NR5A1: variants seen among roughly 807,000 people sequenced by gnomAD.
The protein encoded by NR5A1 is steroidogenic factor 1.
Under a neutral mutation model 42.7 loss-of-function variants are expected in NR5A1, and 6 were observed. That is an observed-to-expected ratio of 0.14 (90% CI 0.08 to 0.28). The LOEUF is 0.28. Ranked by LOEUF, NR5A1 falls within the 10% of genes least tolerant of loss-of-function variation. The pLI, the probability that NR5A1 is intolerant of heterozygous loss-of-function variation, is 1.00. For missense variants in NR5A1, 442 were observed against 626.4 expected (o/e 0.71, Z 3.14); for synonymous variants, 274 against 277.5 (o/e 0.99, Z 0.12).
At position 124,501,393 on chromosome 9, in the gene NR5A1, G is replaced by A. The variant is rs537379136; in HGVS notation, c.245-678C>T. 1.7e-4 allele frequency among the ~76,000 whole-genome samples: 26 copies of A among 152,336 alleles called. No homozygotes were observed. The highest frequency in any genetic ancestry group is 1.8e-4 in the Non-Finnish European group (12 of 68,026). On this transcript the variant is annotated intron_variant, in intron 3 of 6. Coordinates refer to ENST00000373588, the MANE Select transcript of NR5A1 (RefSeq NM_004959.5). This position sits in a 1 kb window ranked among gnomAD's most constrained non-coding sequence, Gnocchi z 4.1. ...TTAGAGCTGGCCAAGGCTCTATGCT[G>A]GGGGAGGGGACCTCTCTTGCCGACT...
rs891575406 is a variant in NR5A1, at chr9:124,482,409, C to T, written c.*349G>A. 4 of 375,854 alleles carry T rather than the reference C, an allele frequency of 1.1e-5. No homozygotes were observed. The highest frequency in any genetic ancestry group is 2.0e-5 in the Non-Finnish European group (4 of 195,128). 23.3% of individuals were successfully genotyped at this position (375,854 alleles called of 1,614,324 possible). ...CTGATCCAAGGGACGTCGAGGCCCACCAGGGAATCCCGAACCTCCTCCCCG... is the reference window on the plus strand; with the variant it reads ...CTGATCCAAGGGACGTCGAGGCCCATCAGGGAATCCCGAACCTCCTCCCCG... On this transcript the variant is annotated 3_prime_UTR_variant, in exon 7 of 7. Transcript: ENST00000373588.
intron 6 of NR5A1, 45 bp downstream of exon 6, chr9:124,491,036 C>CCCCCCCGGGGGG: frequency 6.2e-5 from 87 of 1,401,440 alleles, no homozygotes; most frequent in Non-Finnish European, 7.6e-5. Flanking sequence ...CCCACCCACC[C>CCCCCCCGGGGGG]GCCTCTGGCT....
chr9:124,494,282 T>C (rs1832357322), intron 4 of NR5A1, among the ~76,000 whole-genome samples: 1 of 152,138 alleles, frequency 6.6e-6, no homozygotes, highest in South Asian at 2.1e-4. Flanking sequence ...ACCCACATGA[T>C]AGAGAGAAGA....
chr9:124,490,101 A>T (rs957430079), intron 6 of NR5A1, among the ~76,000 whole-genome samples: 1 of 151,868 alleles, frequency 6.6e-6, no homozygotes, highest in Non-Finnish European at 1.5e-5. Flanking sequence ...GCACTCACTC[A>T]TCTCTATCCC....
rs141470926 is a variant in NR5A1 at position 124,491,677 on chromosome 9, T to TCACA, written c.991-453_991-450dup. Among the ~76,000 whole-genome samples, 1,167 of 149,888 alleles carry TCACA rather than the reference T, an allele frequency of 7.8e-3. 11 individuals carry two copies. The highest frequency in any genetic ancestry group is 0.024 in the African/African-American group (979 of 40,904). ...CGCTGGGTCACAGCTCAGCTCAGAGTCACACACACACACACACGAGCACAG... is the reference window on the plus strand; with the variant it reads ...CGCTGGGTCACAGCTCAGCTCAGAGTCACACACACACACACACACACGAGCACAG... On this transcript the variant is annotated intron_variant, in intron 5 of 6. Coordinates refer to ENST00000373588, the MANE Select transcript of NR5A1 (RefSeq NM_004959.5).
Position 124,500,022 on chromosome 9 carries a change from T to C in NR5A1, c.870+68A>G. 6.2e-7 allele frequency: 1 copy of C among 1,610,790 alleles called. No homozygotes were observed. The highest frequency in any genetic ancestry group is 8.5e-7 in the Non-Finnish European group (1 of 1,178,320). On this transcript the variant is annotated intron_variant, in intron 4 of 6. Coordinates refer to ENST00000373588, the MANE Select transcript of NR5A1 (RefSeq NM_004959.5). The surrounding 1 kb of genome is among the most constrained non-coding windows in gnomAD (Gnocchi z 6.9). Reference sequence around the variant, plus strand: ...AAGGATGGCCCTATCCAAAGGACAGTCGGGCTAAGGCTTGGGCAGCCGGGA... The same window carrying C: ...AAGGATGGCCCTATCCAAAGGACAGCCGGGCTAAGGCTTGGGCAGCCGGGA...
At chr9:124,488,038 A>C (rs4838190) in intron 6 of NR5A1, among the ~76,000 whole-genome samples, 85,428 of 148,094 alleles carry the variant, frequency 0.58, 26,078 homozygotes, top group African/African-American at 0.77. Flanking sequence ...TCGCCAGCCT[A>C]CTCCCCACCC....
At chr9:124,483,147 TG>T in intron 6 of NR5A1, 142 bp from the exon 7 acceptor site, 2 of 1,577,952 alleles carry the variant, frequency 1.3e-6, no homozygotes, top group South Asian at 2.2e-5. Flanking sequence ...CCATGCAACA[TG>T]GTCTCCCCGT....
chr9:124,492,444 C>T (rs1177790374), intron 5 of NR5A1, among the ~76,000 whole-genome samples: 1 of 152,084 alleles, frequency 6.6e-6, no homozygotes, highest in Non-Finnish European at 1.5e-5. Context: ...TCCCCAGATC[C>T]TCATTCCCTG....
At chr9:124,495,548 G>A (rs1427341253) in intron 4 of NR5A1, among the ~76,000 whole-genome samples, 2 of 152,166 alleles carry the variant, frequency 1.3e-5, no homozygotes, top group African/African-American at 4.8e-5. Context: ...CCTGCCCAGG[G>A]GTCACACTGG....
intron 6 of NR5A1, 28 bp from the exon 7 acceptor site, chr9:124,483,033 C>T (rs1305506416): frequency 1.9e-6 from 3 of 1,612,778 alleles, no homozygotes; most frequent in Non-Finnish European, 1.7e-6. Flanking sequence ...CGGTCACCAT[C>T]GCGTCACCAT....
Position 124,493,144 on chromosome 9 carries a change from G to A in NR5A1, c.876C>T (p.Ala292=), listed in dbSNP as rs550028067. The A allele has an allele frequency of 8.7e-6, 14 of 1,610,916 alleles. No homozygotes were observed. Among genetic ancestry groups the A allele is most frequent in the Admixed American group, 1.7e-5 (1 of 59,968 alleles). ...RCMVFKELEV[A]DQMTLLQNCW... ...AGTTCTGCAGCAGCGTCATCTGGTC[G>A]GCCACCTGGAAGGAAGAGGCACGCG... Residue 292 remains alanine (A), a synonymous_variant, in exon 5 of 7, where the codon GCC becomes GCT. Coordinates refer to ENST00000373588, the MANE Select transcript of NR5A1 (RefSeq NM_004959.5).
intron 1 of NR5A1, among the ~76,000 whole-genome samples, chr9:124,504,024 C>CAGACAGAGAGAGAGAGAGAG (rs368063610): frequency 3.8e-5 from 4 of 105,910 alleles, no homozygotes; most frequent in African/African-American, 2.4e-4. Flanking sequence ...GACAGGGAGA[C>CAGACAGAGAGAGAGAGAGAG]AGAGAGAGAG....
In NR5A1 at chr9:124,482,701, CGCCCAG is replaced by C; in HGVS notation, c.*51_*56del. 3 of 701,272 alleles carry C rather than the reference CGCCCAG, an allele frequency of 4.3e-6. No individual in the cohort carries two copies. Among genetic ancestry groups the C allele is most frequent in the South Asian group, 1.5e-5 (1 of 66,042 alleles). 43.4% of individuals were successfully genotyped at this position (701,272 alleles called of 1,614,324 possible). A position where few individuals can be genotyped will look rare whatever the true frequency, so the allele number is the denominator to read the frequency against. ...GGAGCCAGCGGTGTGGCTGCGGCCC[CGCCCAG>C]GCCCCGCCCCCAGTCCCGCCCCCAG... On this transcript the variant is annotated 3_prime_UTR_variant, in exon 7 of 7. Coordinates refer to ENST00000373588, the MANE Select transcript of NR5A1 (RefSeq NM_004959.5).
At chr9:124,489,502 G>A (rs1008905844) in intron 6 of NR5A1, among the ~76,000 whole-genome samples, 2 of 152,216 alleles carry the variant, frequency 1.3e-5, no homozygotes, top group Admixed American at 6.5e-5. Flanking sequence ...CAGCACGCAC[G>A]CATGCAGAGA....
intron 1 of NR5A1, among the ~76,000 whole-genome samples, chr9:124,504,006 T>TGGAGAGAGACAGGGAGACAGAGAGAG (rs1832508572): frequency 2.1e-5 from 2 of 93,506 alleles, no homozygotes. Context: ...CAGGGAGGGA[T>TGGAGAGAGACAGGGAGACAGAGAGAG]GGAGAGAGAC....
intron 6 of NR5A1, among the ~76,000 whole-genome samples, chr9:124,485,581 T>G (rs914762545): frequency 2.6e-5 from 4 of 152,182 alleles, no homozygotes; most frequent in African/African-American, 9.7e-5. Flanking sequence ...CAGGAGCACT[T>G]TCTTCCTCAC....
At position 124,492,945 on chromosome 9, in the gene NR5A1, G is replaced by A. The variant is rs1051119115; in HGVS notation, c.990+85C>T. On this transcript the variant is annotated intron_variant, in intron 5 of 6. Transcript: ENST00000373588. ...CCCAGAGCCAGCCCCGAGAGGCCTG[G>A]GTCCTCCTCTCCGGGGCCCTGAATC... 7 of 1,433,232 alleles carry A rather than the reference G, an allele frequency of 4.9e-6. No homozygotes were observed. In the African/African-American group the frequency reaches 5.7e-5, roughly 12 times the overall value. 88.8% of individuals were successfully genotyped at this position (1,433,232 alleles called of 1,614,324 possible). A position where few individuals can be genotyped will look rare whatever the true frequency, so the allele number is the denominator to read the frequency against.
intron 6 of NR5A1, among the ~76,000 whole-genome samples, chr9:124,488,364 G>A (rs1832254160): frequency 6.6e-6 from 1 of 151,958 alleles, no homozygotes; most frequent in South Asian, 2.1e-4. Flanking sequence ...CATCAGCTGG[G>A]GTCCTGGAAT....
Sources: gnomAD v4.1 joint callset for allele counts (sites outside exome capture counted in the v4.1 genomes callset) on GRCh38, gnomAD v4.1.1 for gene constraint, Gnocchi (gnomAD v3.1) non-coding constraint, MANE v1.5 for transcripts, NCBI Gene and HGNC (gene_info 2026-07-23, HGNC 2026-07-21) for gene names.